The following CFAP54 variants were observed in gnomAD, a reference collection of about 807,000 sequenced individuals.
CFAP54 encodes the protein cilia and flagella associated protein 54, also known as cilia- and flagella-associated protein 54.
In CFAP54, 290 loss-of-function variants were observed where a neutral mutation model predicts 370.4. That is an observed-to-expected ratio of 0.78 (90% CI 0.71 to 0.86). CFAP54 has a LOEUF of 0.86. CFAP54 is among the 40% of genes least tolerant of loss of function. CFAP54 has a pLI of 0.00. For missense variants in CFAP54, 3,399 were observed against 3,528.7 expected (o/e 0.96, Z 0.93); for synonymous variants, 1,206 against 1,236.5 (o/e 0.98, Z 0.52).
At chr12:96,752,902 C>T (rs1034206921) in intron 55 of CFAP54, among the ~76,000 whole-genome samples, 18 of 152,182 alleles carry the variant, frequency 1.2e-4, no homozygotes, top group African/African-American at 4.3e-4. Flanking sequence ...GCCATCTAAC[C>T]TTGGGTGAGT....
intron 65 of CFAP54, 85 bp from the exon 66 acceptor site, chr12:96,828,929 A>C (rs1191325312): frequency 1.5e-6 from 1 of 683,842 alleles, no homozygotes; most frequent in Non-Finnish European, 2.3e-6. Context: ...AAGAAAAGAC[A>C]AATGAAATAG....
At chr12:96,586,715 G>A (rs753693322) in intron 22 of CFAP54, among the ~76,000 whole-genome samples, 4 of 152,178 alleles carry the variant, frequency 2.6e-5, no homozygotes, top group South Asian at 2.1e-4. Context: ...ATGGGGAGCA[G>A]ATCATGAAAA....
chr12:96,504,215 T>G (rs1955064526), intron 3 of CFAP54, among the ~76,000 whole-genome samples, 186 bp downstream of exon 3: 1 of 152,244 alleles, frequency 6.6e-6, no homozygotes, highest in Non-Finnish European at 1.5e-5. Context: ...AAGGATGCTT[T>G]GGAGATTAAG....
chr12:96,790,241 G>A (rs546278669), intron 62 of CFAP54, among the ~76,000 whole-genome samples: 13 of 152,122 alleles, frequency 8.5e-5, no homozygotes, highest in Admixed American at 7.9e-4. Flanking sequence ...CAGTTGTAAG[G>A]TTAAATATCT....
intron 63 of CFAP54, among the ~76,000 whole-genome samples, chr12:96,810,387 T>C (rs986340500): frequency 1.1e-4 from 17 of 152,254 alleles, no homozygotes; most frequent in African/African-American, 4.1e-4. Flanking sequence ...TTTACTCTTA[T>C]CTTAGTTTAC....
intron 12 of CFAP54, among the ~76,000 whole-genome samples, chr12:96,537,435 G>A (rs1224520875): frequency 1.3e-5 from 2 of 152,010 alleles, no homozygotes; most frequent in Non-Finnish European, 2.9e-5. Flanking sequence ...TCTGCCTCCC[G>A]GGTTCAAGCG....
At chr12:96,820,206 T>C (rs1397250914) in intron 65 of CFAP54, among the ~76,000 whole-genome samples, 3 of 152,130 alleles carry the variant, frequency 2.0e-5, no homozygotes, top group Non-Finnish European at 2.9e-5. Context: ...TCTCTTTATT[T>C]TTGGTCTAGT....
Position 96,721,385 on chromosome 12 carries a change from G to GT in CFAP54, c.6965+821dup, listed in dbSNP as rs201922712. On this transcript the variant is annotated intron_variant, in intron 50 of 67. Coordinates refer to ENST00000524981, the MANE Select transcript of CFAP54 (RefSeq NM_001306084.2). ...ATCGATTTATTTATTTAGTCAACCA[G>GT]TATCTGTTAACTCTCTCACTGCCAG... is the stretch of plus-strand genomic sequence containing the variant. 7.7e-4 allele frequency among the ~76,000 whole-genome samples: 117 copies of GT among 152,266 alleles called. No homozygotes were observed. The East Asian group carries it at 0.022, about 29-fold the overall frequency.
At chr12:96,695,231 C>A (rs1351081769) in intron 45 of CFAP54, among the ~76,000 whole-genome samples, 1 of 152,194 alleles carries the variant, frequency 6.6e-6, no homozygotes, top group Admixed American at 6.5e-5. Flanking sequence ...TGGCTTCATT[C>A]ATACTTCTGC....
At chr12:96,862,210 A>T (rs1445313045) in intron 67 of CFAP54, among the ~76,000 whole-genome samples, 2 of 152,230 alleles carry the variant, frequency 1.3e-5, no homozygotes, top group Non-Finnish European at 2.9e-5. Context: ...TAGAGGAAAC[A>T]AGCCTTTAGC....
chr12:96,665,643 A>C (rs1957072088), intron 39 of CFAP54, among the ~76,000 whole-genome samples: 1 of 152,088 alleles, frequency 6.6e-6, no homozygotes, highest in African/African-American at 2.4e-5. Context: ...GTGCAGTCTT[A>C]TTTCTCAGCT....
At chr12:96,546,259 A>C (rs1316218231) in intron 14 of CFAP54, among the ~76,000 whole-genome samples, 1 of 152,200 alleles carries the variant, frequency 6.6e-6, no homozygotes, top group Non-Finnish European at 1.5e-5. Context: ...TGTCCACCGC[A>C]GAATTGATTT....
At chr12:96,792,040 C>T (rs879260972) in intron 62 of CFAP54, among the ~76,000 whole-genome samples, 3 of 151,864 alleles carry the variant, frequency 2.0e-5, no homozygotes, top group Admixed American at 6.6e-5. Context: ...TTAGTAGAAG[C>T]GAGGTTTCAC....
chr12:96,745,338 G>T (rs1195301311), intron 55 of CFAP54, among the ~76,000 whole-genome samples: 2 of 152,012 alleles, frequency 1.3e-5, no homozygotes, highest in South Asian at 2.1e-4. Flanking sequence ...CTGCAACCTT[G>T]CCAGCATCTG....
chr12:96,603,412 G>A (rs1417954917), intron 26 of CFAP54, among the ~76,000 whole-genome samples: 1 of 152,048 alleles, frequency 6.6e-6, no homozygotes, highest in Admixed American at 6.6e-5. Flanking sequence ...TTCAACTTTA[G>A]TGAATCTGAC....
chr12:96,567,853 ATCT>A (rs781465663), intron 19 of CFAP54, among the ~76,000 whole-genome samples: 1 of 152,198 alleles, frequency 6.6e-6, no homozygotes, highest in Non-Finnish European at 1.5e-5. Context: ...GGGCAGGAAC[ATCT>A]TCTTTGGCCA....
chr12:96,679,459 C>A, intron 39 of CFAP54, 141 bp from the exon 40 acceptor site: 3 of 688,142 alleles, frequency 4.4e-6, no homozygotes, highest in Non-Finnish European at 6.4e-6. Context: ...AATGTTGAAA[C>A]ACCTGCTGCA....
chr12:96,594,591 A>C (rs973013866), intron 25 of CFAP54, 145 bp downstream of exon 25: 1 of 526,054 alleles, frequency 1.9e-6, no homozygotes, highest in Non-Finnish European at 3.2e-6. Flanking sequence ...TTAACTGAAA[A>C]ACACTTTAAT....
chr12:96,706,778 T>TTG (rs1555300369), intron 47 of CFAP54, among the ~76,000 whole-genome samples: 1 of 150,372 alleles, frequency 6.7e-6, no homozygotes, highest in Admixed American at 6.6e-5. Context: ...AGCACTTACA[T>TTG]TGTGTGTGTA....
Sources: allele counts gnomAD v4.1 joint callset (sites outside exome capture counted in the v4.1 genomes callset), GRCh38; gene constraint gnomAD v4.1.1; transcripts MANE v1.5; gene names NCBI Gene and HGNC (gene_info 2026-07-23, HGNC 2026-07-21).